Variants in LARP1 observed in about 807,000 individuals in gnomAD.
LARP1 encodes the protein la-related protein 1.
Under a neutral mutation model 122.7 loss-of-function variants are expected in LARP1, and 36 were observed. That is an observed-to-expected ratio of 0.29 (90% CI 0.22 to 0.39). LARP1 has a LOEUF of 0.39. Among genes scored for constraint, LARP1 ranks in the 10% least tolerant of loss-of-function variants. The pLI, the probability that LARP1 is intolerant of heterozygous loss-of-function variation, is 1.00. For synonymous variants in LARP1, 539 were observed against 528.7 expected (o/e 1.02, Z -0.27); for missense variants, 1,040 against 1,403.6 (o/e 0.74, Z 4.14).
chr5:154,743,348 G>A (rs1185427975), intron 1 of LARP1, among the ~76,000 whole-genome samples: 1 of 143,828 alleles, frequency 7.0e-6, no homozygotes, highest in Non-Finnish European at 1.5e-5. Context: ...CGCTCTTGTT[G>A]CCCAGGCTGG....
chr5:154,704,198 T>G (rs965195717), intron 1 of LARP1, among the ~76,000 whole-genome samples: 1 of 152,210 alleles, frequency 6.6e-6, no homozygotes, highest in Non-Finnish European at 1.5e-5. Flanking sequence ...ACAAGTACGA[T>G]AAGCACTGAG....
chr5:154,793,509 C>T, intron 4 of LARP1, 86 bp from the exon 5 acceptor site: 1 of 1,553,702 alleles, frequency 6.4e-7, no homozygotes, highest in Non-Finnish European at 8.8e-7. Flanking sequence ...GGCCCAAGTC[C>T]AGGGCAGAAG....
chr5:154,797,617 C>G (rs1757990744), intron 8 of LARP1, among the ~76,000 whole-genome samples: 1 of 150,782 alleles, frequency 6.6e-6, no homozygotes, highest in Non-Finnish European at 1.5e-5. Context: ...TGCCCATAAT[C>G]TTAATTCCTA....
chr5:154,740,832 G>T (rs1013701307), intron 1 of LARP1, among the ~76,000 whole-genome samples: 2 of 152,226 alleles, frequency 1.3e-5, no homozygotes, highest in Admixed American at 6.5e-5. Context: ...TAAGGCAAAG[G>T]ACTGGGCCAA....
chr5:154,741,401 T>G (rs942076289), intron 1 of LARP1, among the ~76,000 whole-genome samples: 1 of 152,184 alleles, frequency 6.6e-6, no homozygotes, highest in Non-Finnish European at 1.5e-5. Context: ...TCCAGGGTCA[T>G]GGAGCTTGCA....
chr5:154,786,978 C>G (rs1756942840), intron 1 of LARP1, among the ~76,000 whole-genome samples: 1 of 151,748 alleles, frequency 6.6e-6, no homozygotes, highest in Admixed American at 6.6e-5. Flanking sequence ...CTCCTGGGTT[C>G]AAGTGATTCT....
At chr5:154,683,578 C>A (rs1296217716) in intron 1 of LARP1, among the ~76,000 whole-genome samples, 1 of 152,302 alleles carries the variant, frequency 6.6e-6, no homozygotes, top group Middle Eastern at 3.4e-3. Flanking sequence ...CCTACTGTTT[C>A]ACCTAGGCCA....
intron 1 of LARP1, among the ~76,000 whole-genome samples, chr5:154,782,412 A>AGTGGCCACAGCCACCCGAGG (rs1169525632): frequency 1.3e-5 from 2 of 152,122 alleles, no homozygotes; most frequent in Non-Finnish European, 1.5e-5. Flanking sequence ...CAGCAGTGGG[A>AGTGGCCACAGCCACCCGAGG]GTGGCCACAG....
At chr5:154,778,145 A>G (rs977244805) in intron 1 of LARP1, among the ~76,000 whole-genome samples, 1 of 152,054 alleles carries the variant, frequency 6.6e-6, no homozygotes, top group African/African-American at 2.4e-5. Context: ...CTGTAGTCCC[A>G]GCTACTCGGG....
intron 1 of LARP1, among the ~76,000 whole-genome samples, chr5:154,738,069 C>T (rs1195846802): frequency 6.6e-6 from 1 of 152,138 alleles, no homozygotes; most frequent in Non-Finnish European, 1.5e-5. Context: ...GTCAGAAGCA[C>T]AGCACAGACA....
rs1753785341 is a variant in LARP1, at chr5:154,755,537, G to A, written c.-221G>A. On this transcript the variant is annotated 5_prime_UTR_variant, in exon 1 of 19. Transcript: ENST00000518297. ...CCTAGGAGGCCTGGACTGCAGAGTG[G>A]GGGGCCTTCCTCCCCCCCCGCCCCG... 1.0e-5 allele frequency: 10 copies of A among 986,896 alleles called. No individual in the cohort carries two copies. Among genetic ancestry groups the A allele is most frequent in the South Asian group, 9.4e-5 (2 of 21,370 alleles). 61.1% of individuals were successfully genotyped at this position (986,896 alleles called of 1,614,324 possible).
At chr5:154,711,141 C>CTTT (rs544780959), upstream of LARP1, among the ~76,000 whole-genome samples, 5 of 135,318 alleles carry the variant, frequency 3.7e-5, no homozygotes, top group Non-Finnish European at 8.1e-5. Context: ...CAGTGTGGTA[C>CTTT]TTTTTTTTTT....
At chr5:154,756,571 C>T in intron 1 of LARP1, 1 of 895,586 alleles carries the variant, frequency 1.1e-6, no homozygotes, top group Non-Finnish European at 1.3e-6. Context: ...CCCCTCTTCC[C>T]ACCCCGCCCG....
intron 14 of LARP1, chr5:154,805,199 A>G: frequency 6.8e-6 from 2 of 293,644 alleles, no homozygotes; most frequent in South Asian, 3.2e-5. Context: ...ACAAACCTGT[A>G]CACATACCTC....
At position 154,689,633 on chromosome 5, in the gene LARP1, A is replaced by G. The variant is rs573743984; in HGVS notation, c.-180+6596A>G. Among the ~76,000 whole-genome samples the G allele has an allele frequency of 8.3e-4, 126 of 151,728 alleles. 1 individual carries two copies. The South Asian group carries it at 0.016, about 19-fold the overall frequency. On this transcript the variant is annotated intron_variant, in intron 1 of 18. Transcript: ENST00000687700. ...TGACTCCGTTTAAAAAAAAAAAAAA[A>G]AAAGAAAGAAAAGAAAAGAAAAAAC...
chr5:154,758,204 A>G (rs992171754), intron 1 of LARP1, among the ~76,000 whole-genome samples: 1 of 152,034 alleles, frequency 6.6e-6, no homozygotes, highest in Non-Finnish European at 1.5e-5. Flanking sequence ...GTGTAAGTCC[A>G]GGAGCCCTTG....
chr5:154,718,797 A>G (rs1037287151), intron 1 of LARP1: 1 of 152,246 alleles, frequency 6.6e-6, no homozygotes, highest in East Asian at 1.9e-4. Flanking sequence ...GCATGGAATG[A>G]TCAGACTCTG....
chr5:154,723,727 T>C (rs1756025174), intron 1 of LARP1, among the ~76,000 whole-genome samples: 2 of 152,216 alleles, frequency 1.3e-5, no homozygotes, highest in Non-Finnish European at 2.9e-5. Flanking sequence ...TTAAGAGACT[T>C]AGCCAAGAGC....
intron 1 of LARP1, among the ~76,000 whole-genome samples, chr5:154,727,671 T>C (rs1489307293): frequency 6.6e-6 from 1 of 152,186 alleles, no homozygotes; most frequent in Admixed American, 6.5e-5. Context: ...ATAATGACTA[T>C]GTGAGCTAAT....
Sources: gnomAD v4.1 joint callset for allele counts (sites outside exome capture counted in the v4.1 genomes callset) on GRCh38, gnomAD v4.1.1 for gene constraint, MANE v1.5 for transcripts, NCBI Gene and HGNC (gene_info 2026-07-23, HGNC 2026-07-21) for gene names.